The following RNF31 variants were observed in gnomAD, a reference collection of about 807,000 sequenced individuals.
RNF31 encodes the protein ring finger protein 31.
A neutral mutation model predicts 133.6 loss-of-function variants in RNF31; 38 were observed. That is an observed-to-expected ratio of 0.28 (90% CI 0.22 to 0.37). The LOEUF (loss-of-function observed/expected upper bound fraction) is 0.37. Among genes scored for constraint, RNF31 ranks in the 10% least tolerant of loss-of-function variants. The pLI, the probability that RNF31 is intolerant of heterozygous loss-of-function variation, is 1.00. For missense variants in RNF31, 1,118 were observed against 1,394.1 expected, an observed-to-expected ratio of 0.80 and a Z score of 3.15; for synonymous variants, 582 against 552.3, an observed-to-expected ratio of 1.05 and a Z score of -0.75.
chr14:24,151,002 T>G lies in RNF31; in HGVS notation c.1488+114T>G. 6.7e-7 allele frequency: 1 copy of G among 1,496,142 alleles called. No homozygotes were observed. The highest frequency in any genetic ancestry group is 9.0e-7 in the Non-Finnish European group (1 of 1,112,240). The allele number at this position is 1,496,142 out of a possible 1,614,324, so 92.7% of individuals were successfully genotyped here. On this transcript the variant is annotated intron_variant, in intron 8 of 20. Coordinates refer to ENST00000324103, the MANE Select transcript of RNF31 (RefSeq NM_017999.5). The surrounding 1 kb of genome is among the most constrained non-coding windows in gnomAD (Gnocchi z 5.3). Reference sequence around the variant, plus strand: ...ATTGTTAGCAGCAGCTGCCTGTTACTGAGGCAGTTACCATTGCTGTACACT... The same window carrying G: ...ATTGTTAGCAGCAGCTGCCTGTTACGGAGGCAGTTACCATTGCTGTACACT...
In RNF31 at chr14:24,150,286, A is replaced by G; in HGVS notation, c.1035A>G (p.Leu345=). ...AGGGTCCCCAAGGAACTGGAGGCCT[A>G]GAACCTGATCTTGCACGGGGTCGGT... The part of the protein sequence containing the change: ...GTEGPQGTGG[L]EPDLARGRWA... The change falls in exon 7 of 21, where the codon CTA becomes CTG. Residue 345 remains leucine, a synonymous_variant. Coordinates refer to ENST00000324103, the MANE Select transcript of RNF31 (RefSeq NM_017999.5). The G allele has an allele frequency of 6.2e-7, 1 of 1,614,218 alleles. No homozygotes were observed.
Position 24,157,549 on chromosome 14 carries a change from C to T in RNF31, c.2638C>T (p.Leu880=), listed in dbSNP as rs1401562826. 1.2e-6 allele frequency: 2 copies of T among 1,614,204 alleles called. No individual in the cohort carries two copies. Among genetic ancestry groups the T allele is most frequent in the African/African-American group, 1.3e-5 (1 of 75,044 alleles). The change falls in exon 16 of 21, where the codon CTG becomes TTG. Residue 880 remains leucine, a synonymous_variant. Coordinates refer to ENST00000324103, the MANE Select transcript of RNF31 (RefSeq NM_017999.5). ...DCPKCKFSYA[L]ARGGCMHFHC... is the part of the protein sequence containing the mutation. ...CCCCAAATGCAAGTTCTCGTACGCC[C>T]TGGCCCGAGGAGGCTGCATGCACTT...
chr14:24,148,605 G>T, intron 3 of RNF31, 37 bp from the exon 4 acceptor site: 1 of 1,610,720 alleles, frequency 6.2e-7, no homozygotes, highest in South Asian at 1.1e-5. Flanking sequence ...TGTTCTAGGG[G>T]TCTAGCTGGA....
chr14:24,155,151 C>A lies in RNF31; in HGVS notation c.2131-6C>A. 1 of 1,613,464 alleles carries A rather than the reference C, an allele frequency of 6.2e-7. No individual in the cohort carries two copies. The highest frequency in any genetic ancestry group is 8.5e-7 in the Non-Finnish European group (1 of 1,179,438). ...ACCCCCTCCCCTCCAACCCCTCACCCTCCAGATGCAGGCCCTGACTTCCTG... is the reference window on the plus strand; with the variant it reads ...ACCCCCTCCCCTCCAACCCCTCACCATCCAGATGCAGGCCCTGACTTCCTG... On this transcript the variant is annotated splice_region_variant and splice_polypyrimidine_tract_variant and intron_variant, in intron 11 of 20. Transcript: ENST00000324103. This position sits in a 1 kb window ranked among gnomAD's most constrained non-coding sequence, Gnocchi z 4.9.
Position 24,160,602 on chromosome 14 carries a change from C to A in RNF31, c.*29C>A. On this transcript the variant is annotated 3_prime_UTR_variant, in exon 21 of 21. Transcript: ENST00000324103. The surrounding 1 kb of genome is among the most constrained non-coding windows in gnomAD (Gnocchi z 4.0). The stretch of plus-strand genomic sequence containing the variant: ...AGGGCAAGGGTCCCGATGAGGGTCC[C>A]ATGGCCTGCTCCCTCAGGAACAGCT... 1 of 1,498,802 alleles carries A rather than the reference C, an allele frequency of 6.7e-7. No homozygotes were observed. Among genetic ancestry groups the A allele is most frequent in the South Asian group, 1.4e-5 (1 of 72,264 alleles). The allele number at this position is 1,498,802 out of a possible 1,614,324, so 92.8% of individuals were successfully genotyped here.
Position 24,150,669 on chromosome 14 carries a change from G to A in RNF31, c.1269G>A (p.Ser423=), listed in dbSNP as rs369587522. The A allele has an allele frequency of 4.2e-5, 67 of 1,614,190 alleles. No homozygotes were observed. The highest frequency in any genetic ancestry group is 5.5e-5 in the Non-Finnish European group (65 of 1,180,038). Residue 423 remains serine (S), a synonymous_variant, in exon 8 of 21, where the codon TCG becomes TCA. Transcript: ENST00000324103. ...WYCIHCTFCN[S]SPGWVCVMCN... is the part of the protein sequence containing the mutation. ...GTATTCACTGTACCTTCTGCAACTC[G>A]AGCCCTGGCTGGGTGTGTGTTATGT... is the stretch of plus-strand genomic sequence containing the variant.
Position 24,150,211 on chromosome 14 carries a change from T to C in RNF31, c.960T>C (p.Cys320=). The C allele has an allele frequency of 6.2e-7, 1 of 1,614,214 alleles. No individual in the cohort carries two copies. Among genetic ancestry groups the C allele is most frequent in the South Asian group, 1.1e-5 (1 of 91,088 alleles). The change falls in exon 7 of 21, where the codon TGT becomes TGC. Residue 320 remains cysteine (C), a synonymous_variant. Transcript: ENST00000324103. ...TAAATGAGCCTTGGGCAGTGCTCTG[T>C]GTGGCCTGTGATCGGCCCCGAGGCT... ...AMLNEPWAVL[C]VACDRPRGCK...
chr14:24,147,740 C>G lies in RNF31; in HGVS notation c.42C>G (p.Arg14=). The change falls in exon 1 of 21, where the codon CGC becomes CGG. Residue 14 remains arginine (R), a synonymous_variant. Coordinates refer to ENST00000324103, the MANE Select transcript of RNF31 (RefSeq NM_017999.5). The part of the protein sequence containing the change: ...EEEERAFLVA[R]EELASALRRD... The stretch of plus-strand genomic sequence containing the variant: ...AGGAGCGGGCCTTCCTGGTGGCCCG[C>G]GAGGAGCTGGCGAGCGCCCTGAGGA... 2 of 1,556,144 alleles carry G rather than the reference C, an allele frequency of 1.3e-6. No individual in the cohort carries two copies. Among genetic ancestry groups the G allele is most frequent in the Non-Finnish European group, 8.7e-7 (1 of 1,155,868 alleles).
At position 24,160,342 on chromosome 14, in the gene RNF31, C is replaced by T. The variant is rs748233918; in HGVS notation, c.3100C>T (p.Leu1034=). 6 of 1,614,098 alleles carry T rather than the reference C, an allele frequency of 3.7e-6. No individual in the cohort carries two copies. Among genetic ancestry groups the T allele is most frequent in the Non-Finnish European group, 5.1e-6 (6 of 1,180,032 alleles). The change falls in exon 20 of 21, where the codon CTG becomes TTG. Residue 1034 remains leucine, a synonymous_variant. Coordinates refer to ENST00000324103, the MANE Select transcript of RNF31 (RefSeq NM_017999.5). The surrounding 1 kb of genome is among the most constrained non-coding windows in gnomAD (Gnocchi z 4.0). ...GCTGGAGACGGCCACTGAGCGCTAC[C>T]TGCACGTACGCCCCCAGCCTTTGGC... ...EELETATERY[L]HVRPQPLAGE...
upstream of RNF31, chr14:24,147,025 G>A (rs897442447): frequency 2.2e-5 from 5 of 231,144 alleles, no homozygotes; most frequent in South Asian, 1.5e-4. Context: ...CAGCCAGAGG[G>A]AGCGCCTGGG....
At chr14:24,147,252 G>C (rs1411221222), upstream of RNF31, 1 of 168,016 alleles carries the variant, frequency 6.0e-6, no homozygotes, top group Non-Finnish European at 1.3e-5. Context: ...AGCTGAATAG[G>C]ATAACCCCGC....
In RNF31 at chr14:24,147,959, G is replaced by A; in HGVS notation, c.193-17G>A. On this transcript the variant is annotated splice_polypyrimidine_tract_variant and intron_variant, in intron 1 of 20. Coordinates refer to ENST00000324103, the MANE Select transcript of RNF31 (RefSeq NM_017999.5). The stretch of plus-strand genomic sequence containing the variant: ...GCCCAGGCCACGCTCACACCTCTCT[G>A]CTCTCCTTGCTCCCAGCCCCGAAAC... The A allele has an allele frequency of 6.2e-7, 1 of 1,614,138 alleles. No individual in the cohort carries two copies. The highest frequency in any genetic ancestry group is 1.3e-5 in the African/African-American group (1 of 75,054).
In RNF31 at chr14:24,155,400, C is replaced by T. The variant is rs368113644; in HGVS notation, c.2305-14C>T. 79 of 1,614,150 alleles carry T rather than the reference C, an allele frequency of 4.9e-5. 3 individuals carry two copies. In the Middle Eastern group the frequency reaches 3.3e-3, roughly 67 times the overall value. On this transcript the variant is annotated splice_polypyrimidine_tract_variant and intron_variant, in intron 12 of 20. Transcript: ENST00000324103. This position sits in a 1 kb window ranked among gnomAD's most constrained non-coding sequence, Gnocchi z 4.9. ...GGGACCCTCCCACCCACCACCTCTG[C>T]ATCCTGTCCCCAGCTTCGCGAGAGC... is the stretch of plus-strand genomic sequence containing the variant.
At chr14:24,148,466 A>G (rs1466499398) in intron 3 of RNF31, 53 bp downstream of exon 3, 1 of 1,613,028 alleles carries the variant, frequency 6.2e-7, no homozygotes, top group Admixed American at 1.7e-5. Flanking sequence ...TGGGGAGCCC[A>G]GCCTAACTCA....
Position 24,150,386 on chromosome 14 carries a change from G to C in RNF31, c.1135G>C (p.Ala379Pro). ...LCSICERPRL[A>P]QPPSLVVDSR... ...TTCCATATGTGAGCGACCTCGGCTG[G>C]CCCAGCCTCCCAGCTTGGTGGTGGA... The change falls in exon 7 of 21, where the codon GCC (alanine) becomes CCC (proline). Residue 379 changes from alanine to proline, a missense_variant. By Grantham distance (27) the Ala-to-Pro change is conservative. This residue lies in a region of RNF31 where 747 missense variants were observed against 827.9 expected (regional missense o/e 0.90). Coordinates refer to ENST00000324103, the MANE Select transcript of RNF31 (RefSeq NM_017999.5). 6.2e-7 allele frequency: 1 copy of C among 1,613,464 alleles called. No individual in the cohort carries two copies. Among genetic ancestry groups the C allele is most frequent in the Non-Finnish European group, 8.5e-7 (1 of 1,179,934 alleles).
chr14:24,157,342 G>T lies in RNF31; in HGVS notation c.2546G>T (p.Arg849Leu). The change falls in exon 15 of 21, where the codon CGC becomes CTC. Residue 849 changes from arginine (R) to leucine (L), a missense_variant. Around this residue, in one of 3 missense-constraint regions of RNF31, gnomAD observed 201 missense variants for 371.7 expected, o/e 0.54. Coordinates refer to ENST00000324103, the MANE Select transcript of RNF31 (RefSeq NM_017999.5). ...TGTGAGGACTTCCAGAACTGGAAAC[G>T]CATGAACGACCCAGAATACCAGGCC... Reference protein sequence around the residue: ...RSCEDFQNWKRMNDPEYQAQG... With the variant: ...RSCEDFQNWKLMNDPEYQAQG... 6.2e-7 allele frequency: 1 copy of T among 1,612,734 alleles called. No homozygotes were observed. Among genetic ancestry groups the T allele is most frequent in the Non-Finnish European group, 8.5e-7 (1 of 1,178,860 alleles).
chr14:24,160,440 C>T lies in RNF31; in HGVS notation c.3165+33C>T, dbSNP rs778880304. The T allele has an allele frequency of 2.5e-6, 4 of 1,606,274 alleles. No individual in the cohort carries two copies. The highest frequency in any genetic ancestry group is 1.7e-5 in the Admixed American group (1 of 59,584). On this transcript the variant is annotated intron_variant, in intron 20 of 20. Transcript: ENST00000324103. This position sits in a 1 kb window ranked among gnomAD's most constrained non-coding sequence, Gnocchi z 4.0. ...CTCCACCCAGCCTCATCTCTTAACCCACCCTACAGAAGTCACCTGGTGCTG... is the reference window on the plus strand; with the variant it reads ...CTCCACCCAGCCTCATCTCTTAACCTACCCTACAGAAGTCACCTGGTGCTG...
Position 24,148,833 on chromosome 14 carries a change from G to A in RNF31, c.588G>A (p.Leu196=). The change falls in exon 5 of 21, where the codon TTG becomes TTA. Residue 196 remains leucine (L), a synonymous_variant. Transcript: ENST00000324103. ...AGCTTTCAGAATTTGACCCCCTATT[G>A]AGAGAGATTGCTCCTGGCCCCCTCA... ...MLQLSEFDPL[L]REIAPGPLTT... is the part of the protein sequence containing the mutation. The A allele has an allele frequency of 1.2e-6, 2 of 1,614,134 alleles. No individual in the cohort carries two copies. Among genetic ancestry groups the A allele is most frequent in the South Asian group, 2.2e-5 (2 of 91,082 alleles).
In RNF31 at chr14:24,151,439, T is replaced by A. The variant is rs755906275; in HGVS notation, c.1738-46T>A. On this transcript the variant is annotated intron_variant, in intron 9 of 20. Coordinates refer to ENST00000324103, the MANE Select transcript of RNF31 (RefSeq NM_017999.5). The surrounding 1 kb of genome is among the most constrained non-coding windows in gnomAD (Gnocchi z 5.3). Reference sequence around the variant, plus strand: ...AGTCTGCATCTCTCACACTCTCCCTTGCTTGCTTTCCCACTTCATTCCCCC... The same window carrying A: ...AGTCTGCATCTCTCACACTCTCCCTAGCTTGCTTTCCCACTTCATTCCCCC... 2.5e-6 allele frequency: 4 copies of A among 1,613,174 alleles called. No individual in the cohort carries two copies. In the African/African-American group the frequency reaches 5.3e-5, roughly 22 times the overall value.
Sources: gnomAD v4.1 joint callset for allele counts on GRCh38, gnomAD v4.1.1 for gene constraint, gnomAD v4.1.1 regional missense constraint, Gnocchi (gnomAD v3.1) non-coding constraint, MANE v1.5 for transcripts, NCBI Gene and HGNC (gene_info 2026-07-23, HGNC 2026-07-21) for gene names.